FSTL4: variants seen among roughly 807,000 people sequenced by gnomAD.
FSTL4 encodes the protein follistatin-related protein 4.
In FSTL4, 28 loss-of-function variants were observed where a neutral mutation model predicts 78.2. The observed-to-expected ratio is 0.36, with a 90% confidence interval of 0.27 to 0.49. The LOEUF is 0.49. FSTL4 is among the 20% of genes least tolerant of loss of function. FSTL4 has a pLI of 0.98. For synonymous variants in FSTL4, 422 were observed against 440.5 expected (o/e 0.96, Z 0.53); for missense variants, 922 against 1,084.9 (o/e 0.85, Z 2.11).
the FSTL4 span, among the ~76,000 whole-genome samples, chr5:133,743,921 G>C: frequency 2.6e-5 from 4 of 152,216 alleles, no homozygotes; most frequent in Non-Finnish European, 5.9e-5. Context: ...GAATCTCAGG[G>C]ACTGCTGGGA....
chr5:133,333,307 C>T (rs1319297961), intron 4 of FSTL4, among the ~76,000 whole-genome samples: 5 of 152,322 alleles, frequency 3.3e-5, no homozygotes, highest in African/African-American at 1.2e-4. Flanking sequence ...GGCCTGGGGC[C>T]CCGGGCAATG....
At chr5:133,533,307 G>A (rs1489257901) in intron 3 of FSTL4, among the ~76,000 whole-genome samples, 1 of 152,146 alleles carries the variant, frequency 6.6e-6, no homozygotes, top group East Asian at 1.9e-4. Context: ...AAAGTGATGT[G>A]ATCTCTGCTC....
At chr5:133,661,256 C>T in the FSTL4 span, among the ~76,000 whole-genome samples, 5 of 152,212 alleles carry the variant, frequency 3.3e-5, no homozygotes, top group African/African-American at 4.8e-5. Flanking sequence ...TCCCAAAGTG[C>T]CGGGATTACA....
At chr5:133,204,963 G>GTGA (rs1750448081) in intron 14 of FSTL4, among the ~76,000 whole-genome samples, 1 of 152,130 alleles carries the variant, frequency 6.6e-6, no homozygotes, top group Non-Finnish European at 1.5e-5. Flanking sequence ...CTAGCCCACA[G>GTGA]TGATGAAGGT....
intron 4 of FSTL4, among the ~76,000 whole-genome samples, chr5:133,358,890 G>C (rs538910465): frequency 6.4e-4 from 97 of 152,212 alleles, no homozygotes; most frequent in Non-Finnish European, 1.2e-3. Flanking sequence ...TTGCAAAACA[G>C]CACATACTCC....
rs540339222 is a variant in FSTL4, at chr5:133,513,160, G to A, written c.160+54026C>T. The stretch of plus-strand genomic sequence containing the variant: ...TAGTATCTCACAGACCTCCTCCAGA[G>A]AGCTGCGCCTTTGCTAATCCTCTTC... On this transcript the variant is annotated intron_variant, in intron 3 of 15. Transcript: ENST00000265342. Among the ~76,000 whole-genome samples, 17 of 152,266 alleles carry A rather than the reference G, an allele frequency of 1.1e-4. No homozygotes were observed. In the East Asian group the frequency reaches 3.1e-3, roughly 28 times the overall value.
intron 3 of FSTL4, among the ~76,000 whole-genome samples, chr5:133,511,717 G>A (rs899173535): frequency 2.6e-5 from 4 of 152,150 alleles, no homozygotes; most frequent in Non-Finnish European, 4.4e-5. Flanking sequence ...AATGAGGTAT[G>A]CCAGGAACCA....
At chr5:133,590,982 C>A (rs1405574702) in intron 2 of FSTL4, among the ~76,000 whole-genome samples, 1 of 152,196 alleles carries the variant, frequency 6.6e-6, no homozygotes, top group African/African-American at 2.4e-5. Flanking sequence ...TACCTAAACA[C>A]CCCCATTAGG....
At chr5:133,319,705 T>A (rs976502449) in intron 4 of FSTL4, among the ~76,000 whole-genome samples, 1 of 152,202 alleles carries the variant, frequency 6.6e-6, no homozygotes, top group Non-Finnish European at 1.5e-5. Flanking sequence ...ACTTCCTTCG[T>A]CATTTCTTCC....
intron 6 of FSTL4, among the ~76,000 whole-genome samples, chr5:133,250,510 T>G (rs1304772270): frequency 6.6e-6 from 1 of 152,210 alleles, no homozygotes; most frequent in Non-Finnish European, 1.5e-5. Context: ...ATTTTGTCTA[T>G]TCCCTATTCA....
the FSTL4 span, among the ~76,000 whole-genome samples, chr5:133,826,581 C>T: frequency 6.6e-6 from 1 of 152,234 alleles, no homozygotes; most frequent in Non-Finnish European, 1.5e-5. Context: ...CGTGTGTCTT[C>T]TCTGTGTCTC....
the FSTL4 span, among the ~76,000 whole-genome samples, chr5:133,648,535 A>C: frequency 6.6e-6 from 1 of 152,148 alleles, no homozygotes; most frequent in Non-Finnish European, 1.5e-5. Context: ...GGCATTCATC[A>C]ACCCCCTATG....
intron 3 of FSTL4, among the ~76,000 whole-genome samples, chr5:133,422,102 G>A (rs1285835666): frequency 2.0e-5 from 3 of 152,078 alleles, no homozygotes; most frequent in Admixed American, 6.6e-5. Flanking sequence ...TGAATTTGAT[G>A]TTTTCAAGGA....
chr5:133,477,845 C>T lies in FSTL4; in HGVS notation c.161-76859G>A, dbSNP rs959306144. The stretch of plus-strand genomic sequence containing the variant: ...TCCAGAGAATTCAGACAGAAATTTG[C>T]CCAAATAATTAAATTAATAACTCTG... On this transcript the variant is annotated intron_variant, in intron 3 of 15. Coordinates refer to ENST00000265342, the MANE Select transcript of FSTL4 (RefSeq NM_015082.2). Among the ~76,000 whole-genome samples, 36 of 152,060 alleles carry T rather than the reference C, an allele frequency of 2.4e-4. 1 individual carries two copies. The highest frequency in any genetic ancestry group is 8.5e-4 in the African/African-American group (35 of 41,404).
the FSTL4 span, among the ~76,000 whole-genome samples, chr5:133,743,451 C>T: frequency 6.6e-6 from 1 of 152,220 alleles, no homozygotes; most frequent in Non-Finnish European, 1.5e-5. Flanking sequence ...GCTGGTTCTA[C>T]TGTTTGCTGC....
chr5:133,653,146 GA>G, the FSTL4 span, among the ~76,000 whole-genome samples: 1 of 152,170 alleles, frequency 6.6e-6, no homozygotes, highest in Non-Finnish European at 1.5e-5. Context: ...TCAGGCTGTA[GA>G]CTGTTAATGC....
In FSTL4 at chr5:133,338,533, C is replaced by A. The variant is rs533562279; in HGVS notation, c.410-21881G>T. 6.6e-6 allele frequency among the ~76,000 whole-genome samples: 1 copy of A among 152,106 alleles called. No individual in the cohort carries two copies. The highest frequency in any genetic ancestry group is 1.5e-5 in the Non-Finnish European group (1 of 68,016). On this transcript the variant is annotated intron_variant, in intron 4 of 15. Transcript: ENST00000265342. The surrounding 1 kb of genome is among the most constrained non-coding windows in gnomAD (Gnocchi z 4.0). ...TTCCCTCTGCTCCCCCATGGATACT[C>A]GGTTCCCTCAATCGAGGCTGGTGCA...
At chr5:133,448,177 C>T (rs186365369) in intron 3 of FSTL4, among the ~76,000 whole-genome samples, 191 of 152,344 alleles carry the variant, frequency 1.3e-3, no homozygotes, top group African/African-American at 4.4e-3. Flanking sequence ...TAATTTGCCC[C>T]TGCTGAAACC....
intron 4 of FSTL4, among the ~76,000 whole-genome samples, chr5:133,357,549 G>A (rs1338490901): frequency 6.6e-6 from 1 of 152,212 alleles, no homozygotes; most frequent in Non-Finnish European, 1.5e-5. Context: ...GCTGATTTCA[G>A]CTAAGGCTTA....
Sources: gnomAD v4.1 joint callset for allele counts (sites outside exome capture counted in the v4.1 genomes callset) on GRCh38, gnomAD v4.1.1 for gene constraint, Gnocchi (gnomAD v3.1) non-coding constraint, MANE v1.5 for transcripts, NCBI Gene and HGNC (gene_info 2026-07-23, HGNC 2026-07-21) for gene names.